ZNF804A: variants seen among roughly 807,000 people sequenced by gnomAD.
The protein encoded by ZNF804A is zinc finger protein 804A.
ZNF804A carries 2 observed loss-of-function variants against 16.5 expected under a neutral mutation model. The observed-to-expected ratio is 0.12, with a 90% CI of 0.05 to 0.38. The LOEUF is 0.38. ZNF804A is among the 10% of genes least tolerant of loss of function. The pLI, the probability that ZNF804A is intolerant of heterozygous loss-of-function variation, is 0.99. For synonymous variants in ZNF804A, 534 were observed against 489.6 expected, an observed-to-expected ratio of 1.09 and a Z score of -1.20; for missense variants, 1,473 against 1,390.7, an observed-to-expected ratio of 1.06 and a Z score of -0.94.
rs1193953816 is a variant in ZNF804A at position 184,672,903 on chromosome 2, A to G, written c.111+73833A>G. 3.3e-5 allele frequency among the ~76,000 whole-genome samples: 5 copies of G among 152,116 alleles called. No individual in the cohort carries two copies. In the East Asian group the frequency reaches 5.8e-4, roughly 18 times the overall value. On this transcript the variant is annotated intron_variant, in intron 1 of 3. Coordinates refer to ENST00000302277, the MANE Select transcript of ZNF804A (RefSeq NM_194250.2). Reference sequence around the variant, plus strand: ...ACTACAGGCATCCGCCACCACGCCCAGCTAATTTTTGTATTTTTAGTAGAG... The same window carrying G: ...ACTACAGGCATCCGCCACCACGCCCGGCTAATTTTTGTATTTTTAGTAGAG...
At chr2:184,722,160 A>G (rs1244938953) in intron 1 of ZNF804A, among the ~76,000 whole-genome samples, 1 of 152,010 alleles carries the variant, frequency 6.6e-6, no homozygotes, top group Admixed American at 6.6e-5. Flanking sequence ...CTTATGTAAA[A>G]ATAAATTCAT....
At chr2:184,798,006 ATGTGTGTGTGTG>A (rs58199746) in intron 1 of ZNF804A, among the ~76,000 whole-genome samples, 358 of 133,334 alleles carry the variant, frequency 2.7e-3, no homozygotes, top group Middle Eastern at 7.5e-3. Flanking sequence ...TGGCTGATAT[ATGTGTGTGTGTG>A]TGTGTGTGTG....
intron 2 of ZNF804A, among the ~76,000 whole-genome samples, chr2:184,890,321 A>T (rs191595151): frequency 2.4e-4 from 36 of 152,272 alleles, no homozygotes; most frequent in Admixed American, 2.1e-3. Context: ...TATTTTCACC[A>T]CAGACATTGC....
intron 1 of ZNF804A, among the ~76,000 whole-genome samples, chr2:184,711,294 T>G (rs563677363): frequency 6.6e-6 from 1 of 151,910 alleles, no homozygotes; most frequent in East Asian, 1.9e-4. Context: ...TGTTGACCAT[T>G]TATATATTAC....
chr2:184,724,427 G>A (rs1693370349), intron 1 of ZNF804A, among the ~76,000 whole-genome samples: 1 of 151,304 alleles, frequency 6.6e-6, no homozygotes, highest in South Asian at 2.1e-4. Context: ...GAACATCATG[G>A]ATGTGATATG....
intron 2 of ZNF804A, among the ~76,000 whole-genome samples, chr2:184,875,808 A>T (rs934132412): frequency 6.6e-6 from 1 of 151,194 alleles, no homozygotes; most frequent in Non-Finnish European, 1.5e-5. Flanking sequence ...TCAGGTAAAG[A>T]GAAAAAAATT....
intron 1 of ZNF804A, among the ~76,000 whole-genome samples, chr2:184,750,184 A>C (rs1053846807): frequency 6.6e-6 from 1 of 151,280 alleles, no homozygotes; most frequent in African/African-American, 2.4e-5. Flanking sequence ...TAGCTTTATT[A>C]ATTTCTTTAA....
intron 1 of ZNF804A, among the ~76,000 whole-genome samples, chr2:184,859,777 A>C (rs1695767519): frequency 6.6e-6 from 1 of 152,238 alleles, no homozygotes; most frequent in South Asian, 2.1e-4. Flanking sequence ...GATTCTGAGC[A>C]GGCCACCTGG....
At chr2:184,728,094 G>A (rs1007707818) in intron 1 of ZNF804A, among the ~76,000 whole-genome samples, 8 of 148,964 alleles carry the variant, frequency 5.4e-5, no homozygotes, top group African/African-American at 1.8e-4. Flanking sequence ...ACGCTTGTGA[G>A]TAGAGTTTTC....
chr2:184,825,212 A>C (rs1053189314), intron 1 of ZNF804A, among the ~76,000 whole-genome samples: 1 of 152,182 alleles, frequency 6.6e-6, no homozygotes, highest in Non-Finnish European at 1.5e-5. Flanking sequence ...GTAGTCACAA[A>C]ATATCTGATG....
At chr2:184,882,250 C>G (rs907726041) in intron 2 of ZNF804A, among the ~76,000 whole-genome samples, 2 of 151,952 alleles carry the variant, frequency 1.3e-5, no homozygotes, top group Non-Finnish European at 2.9e-5. Context: ...ACAAGAAGAT[C>G]TAACTATGCT....
intron 1 of ZNF804A, among the ~76,000 whole-genome samples, chr2:184,630,415 T>A (rs186134268): frequency 1.8e-4 from 27 of 152,226 alleles, no homozygotes; most frequent in African/African-American, 6.3e-4. Flanking sequence ...CTTCCTCCGA[T>A]TTTTTACAAG....
intron 1 of ZNF804A, among the ~76,000 whole-genome samples, chr2:184,629,374 C>T (rs547410904): frequency 6.6e-6 from 1 of 152,080 alleles, no homozygotes; most frequent in East Asian, 1.9e-4. Context: ...GAAGAAAGAT[C>T]TCAAATAAAC....
intron 1 of ZNF804A, among the ~76,000 whole-genome samples, chr2:184,607,936 CTTTTTTT>C (rs34262998): frequency 4.6e-5 from 3 of 65,654 alleles, no homozygotes; most frequent in African/African-American, 6.6e-5. Context: ...TGATGCATCT[CTTTTTTT>C]TTTTTTTTTT....
chr2:184,874,334 A>G (rs922385788), intron 2 of ZNF804A, among the ~76,000 whole-genome samples: 3 of 152,150 alleles, frequency 2.0e-5, no homozygotes, highest in Non-Finnish European at 4.4e-5. Flanking sequence ...GAGTTATTCA[A>G]CTTAGTATAT....
intron 2 of ZNF804A, among the ~76,000 whole-genome samples, chr2:184,892,540 A>G (rs1685001984): frequency 2.3e-5 from 3 of 131,402 alleles, no homozygotes; most frequent in South Asian, 4.9e-4. Flanking sequence ...GCTGGAGTGC[A>G]GTGGCTCGAT....
At chr2:184,720,957 T>C (rs1042819151) in intron 1 of ZNF804A, among the ~76,000 whole-genome samples, 119 of 152,290 alleles carry the variant, frequency 7.8e-4, no homozygotes, top group African/African-American at 2.7e-3. Flanking sequence ...TGCAGCCAAC[T>C]GAATTTTGAC....
intron 1 of ZNF804A, among the ~76,000 whole-genome samples, chr2:184,747,255 C>A (rs983223095): frequency 1.3e-5 from 2 of 148,178 alleles, no homozygotes; most frequent in African/African-American, 4.9e-5. Context: ...AATAGGGCAA[C>A]CCGCTCGGGT....
At chr2:184,902,672 T>C (rs1055425207) in intron 2 of ZNF804A, 9 of 152,138 alleles carry the variant, frequency 5.9e-5, no homozygotes, top group African/African-American at 1.7e-4. Context: ...TTAAAGAGTA[T>C]TTCTGGTCTC....
Sources: allele counts gnomAD v4.1 joint callset (sites outside exome capture counted in the v4.1 genomes callset), GRCh38; gene constraint gnomAD v4.1.1; transcripts MANE v1.5; gene names NCBI Gene and HGNC (gene_info 2026-07-23, HGNC 2026-07-21).